Variants in APOBEC1 observed in about 807,000 individuals in gnomAD.
APOBEC1 encodes C->U-editing enzyme APOBEC-1.
APOBEC1 carries 22 observed loss-of-function variants against 26.3 expected under a neutral mutation model. The observed-to-expected ratio is 0.84, with a 90% CI of 0.60 to 1.19. The LOEUF (loss-of-function observed/expected upper bound fraction) is 1.19, where lower values mean the gene tolerates loss of function less well. Ranked by LOEUF, APOBEC1 falls within the 50% of genes most tolerant of loss-of-function variation. The pLI is 0.00. For missense variants in APOBEC1, 253 were observed against 289.0 expected (o/e 0.88, Z 0.90); for synonymous variants, 77 against 95.3 (o/e 0.81, Z 1.12).
upstream of APOBEC1, among the ~76,000 whole-genome samples, chr12:7,666,592 G>GCCTA (rs1437476240): frequency 2.6e-5 from 4 of 152,064 alleles, no homozygotes; most frequent in African/African-American, 9.7e-5. Flanking sequence ...ACCGTGCCTA[G>GCCTA]CCTAGGATGC....
At chr12:7,650,580 T>C (rs781466676) in intron 4 of APOBEC1, among the ~76,000 whole-genome samples, 4 of 152,202 alleles carry the variant, frequency 2.6e-5, no homozygotes, top group Non-Finnish European at 4.4e-5. Context: ...GTTTGCTTGT[T>C]TGTTTACTTT....
chr12:7,661,902 A>AT (rs1227377154), intron 1 of APOBEC1, among the ~76,000 whole-genome samples: 1 of 152,194 alleles, frequency 6.6e-6, no homozygotes, highest in East Asian at 1.9e-4. Context: ...TAAATTCCCA[A>AT]TGCACAGGGC....
At chr12:7,661,899 C>T (rs780472195) in intron 1 of APOBEC1, among the ~76,000 whole-genome samples, 59 of 152,228 alleles carry the variant, frequency 3.9e-4, no homozygotes, top group African/African-American at 1.4e-3. Context: ...ATCTAAATTC[C>T]CAATGCACAG....
upstream of APOBEC1, among the ~76,000 whole-genome samples, chr12:7,666,838 A>C (rs1863899192): frequency 6.6e-6 from 1 of 151,594 alleles, no homozygotes; most frequent in Non-Finnish European, 1.5e-5. Flanking sequence ...GAGTCAGCTA[A>C]TTTGTGTACA....
Position 7,659,294 on chromosome 12 carries a change from CAAAAAAAAAAAAAAA to C in APOBEC1, c.17-4677_17-4663del, listed in dbSNP as rs1163730869. On this transcript the variant is annotated intron_variant, in intron 1 of 4. Transcript: ENST00000229304. The stretch of plus-strand genomic sequence containing the variant: ...GGGCAACAAGAGTGAAACTCCCTCT[CAAAAAAAAAAAAAAA>C]AAAAAAAAAAAAAATATATATATAT... Among the ~76,000 whole-genome samples, 39 of 16,534 alleles carry C rather than the reference CAAAAAAAAAAAAAAA, an allele frequency of 2.4e-3. 1 individual carries two copies. Among genetic ancestry groups the C allele is most frequent in the African/African-American group, 8.8e-3 (37 of 4,184 alleles). 10.8% of individuals were successfully genotyped at this position (16,534 alleles called of 152,430 possible). A position where few individuals can be genotyped will look rare whatever the true frequency, so the allele number is the denominator to read the frequency against.
chr12:7,654,492 C>T, intron 2 of APOBEC1, 113 bp downstream of exon 2: 1 of 1,113,646 alleles, frequency 9.0e-7, no homozygotes, highest in East Asian at 2.4e-5. Flanking sequence ...CTACTCCTGC[C>T]TCAGCCTCCT....
At chr12:7,650,408 G>A (rs1005334197) in intron 4 of APOBEC1, among the ~76,000 whole-genome samples, 5 of 152,036 alleles carry the variant, frequency 3.3e-5, no homozygotes, top group African/African-American at 7.2e-5. Context: ...GCAACACAGC[G>A]AGACCCTGTG....
At position 7,649,694 on chromosome 12, in the gene APOBEC1, A is replaced by T. The variant is rs765071321; in HGVS notation, c.564T>A (p.Ser188Arg). 6.2e-7 allele frequency: 1 copy of T among 1,605,758 alleles called. No homozygotes were observed. The highest frequency in any genetic ancestry group is 8.5e-7 in the Non-Finnish European group (1 of 1,172,866). ...TTGAAATCTTTAAACAGGGTGGAAG[A>T]CTCTGGAATAAAAAAGGATTATATT... ...YALELHCIIL[S>R]LPPCLKISRR... Residue 188 changes from serine (S) to arginine (R), a missense_variant and splice_region_variant, in exon 5 of 5, where the codon AGT becomes AGA. Transcript: ENST00000229304.
intron 1 of APOBEC1, among the ~76,000 whole-genome samples, chr12:7,664,011 G>T (rs1393130654): frequency 6.6e-6 from 1 of 151,808 alleles, no homozygotes; most frequent in Non-Finnish European, 1.5e-5. Context: ...ATGTGCTACC[G>T]TGCCCAGCTA....
At chr12:7,652,004 A>G (rs898683834) in intron 3 of APOBEC1, among the ~76,000 whole-genome samples, 1 of 151,964 alleles carries the variant, frequency 6.6e-6, no homozygotes, top group African/African-American at 2.4e-5. Flanking sequence ...TGTATTTTTT[A>G]GTAGAGACGG....
At chr12:7,656,044 C>G (rs1032176291) in intron 1 of APOBEC1, among the ~76,000 whole-genome samples, 3 of 151,586 alleles carry the variant, frequency 2.0e-5, no homozygotes, top group African/African-American at 7.3e-5. Context: ...TCTGTGTTGC[C>G]CAGGTTGGTC....
At position 7,662,447 on chromosome 12, in the gene APOBEC1, T is replaced by G. The variant is rs2136855646; in HGVS notation, c.16+3410A>C. Among the ~76,000 whole-genome samples the G allele has an allele frequency of 1.3e-5, 2 of 151,824 alleles. 1 individual carries two copies. The highest frequency in any genetic ancestry group is 4.2e-4 in the South Asian group (2 of 4,808). On this transcript the variant is annotated intron_variant, in intron 1 of 4. Transcript: ENST00000229304. ...AAAATACAAAAATTAGCCGGGCATG[T>G]TGGCACGTGCCTGTAATCCCAGCTA...
intron 1 of APOBEC1, among the ~76,000 whole-genome samples, chr12:7,662,453 C>A (rs1030061839): frequency 3.9e-5 from 6 of 152,014 alleles, no homozygotes; most frequent in Middle Eastern, 3.4e-3. Context: ...CATGTTGGCA[C>A]GTGCCTGTAA....
chr12:7,665,258 T>C (rs1397048057), intron 1 of APOBEC1, among the ~76,000 whole-genome samples: 1 of 152,156 alleles, frequency 6.6e-6, no homozygotes, highest in African/African-American at 2.4e-5. Context: ...CGTCTGTTGT[T>C]ACCTTAAACT....
intron 4 of APOBEC1, 94 bp from the exon 5 acceptor site, chr12:7,649,790 C>T (rs73064632): frequency 0.24 from 232,781 of 982,544 alleles, 29,868 homozygotes; most frequent in South Asian, 0.39. Flanking sequence ...AGTTGGAAGA[C>T]GATTTAACTA....
At chr12:7,650,566 G>A (rs917124191) in intron 4 of APOBEC1, among the ~76,000 whole-genome samples, 20 of 152,152 alleles carry the variant, frequency 1.3e-4, no homozygotes, top group Admixed American at 6.5e-5. Context: ...CTTAGATGTT[G>A]TTTGTTTGCT....
intron 1 of APOBEC1, among the ~76,000 whole-genome samples, chr12:7,656,629 C>T (rs958759427): frequency 1.3e-5 from 2 of 152,198 alleles, no homozygotes; most frequent in African/African-American, 4.8e-5. Context: ...TAGCCAATTA[C>T]TTGCTCTAAC....
chr12:7,651,628 AAG>A (rs1235554831), intron 3 of APOBEC1, among the ~76,000 whole-genome samples: 53 of 133,424 alleles, frequency 4.0e-4, no homozygotes, highest in Non-Finnish European at 6.7e-4. Context: ...AAAAAAAAAA[AAG>A]AGTTGTTGTT....
intron 1 of APOBEC1, among the ~76,000 whole-genome samples, chr12:7,665,024 G>A (rs1009719617): frequency 2.0e-5 from 3 of 152,106 alleles, no homozygotes; most frequent in African/African-American, 7.2e-5. Flanking sequence ...GGGCGAAGTA[G>A]TGAACCCACC....
Sources: allele counts gnomAD v4.1 joint callset (sites outside exome capture counted in the v4.1 genomes callset), GRCh38; gene constraint gnomAD v4.1.1; transcripts MANE v1.5; gene names NCBI Gene and HGNC (gene_info 2026-07-23, HGNC 2026-07-21).